UBE2S: variants seen among roughly 807,000 people sequenced by gnomAD.
UBE2S encodes ubiquitin conjugating enzyme E2 S, also known as ubiquitin-conjugating enzyme E2 S.
Under a neutral mutation model 12.3 loss-of-function variants are expected in UBE2S, and 3 were observed. The observed-to-expected ratio is 0.24, with a 90% CI of 0.11 to 0.63. The LOEUF (loss-of-function observed/expected upper bound fraction) is 0.63, where lower values mean the gene tolerates loss of function less well. Ranked by LOEUF, UBE2S falls within the 30% of genes least tolerant of loss-of-function variation. UBE2S has a pLI of 0.85. For synonymous variants in UBE2S, 133 were observed against 142.0 expected (o/e 0.94, Z 0.45); for missense variants, 211 against 313.9 (o/e 0.67, Z 2.48).
intron 3 of UBE2S, chr19:55,402,969 G>C: frequency 6.5e-7 from 1 of 1,534,592 alleles, no homozygotes; most frequent in Non-Finnish European, 8.7e-7. Context: ...GGAGGCAGCA[G>C]GCTGTAAGCA....
In UBE2S at chr19:55,403,061, G is replaced by A. The variant is rs74593881; in HGVS notation, c.342+1227C>T. 6.4e-3 allele frequency: 8,783 copies of A among 1,363,794 alleles called. 476 individuals carry two copies. In the African/African-American group the frequency reaches 0.11, roughly 17 times the overall value. 84.5% of individuals were successfully genotyped at this position (1,363,794 alleles called of 1,614,324 possible). On this transcript the variant is annotated intron_variant, in intron 3 of 3. Coordinates refer to ENST00000264552, the MANE Select transcript of UBE2S (RefSeq NM_014501.3). ...TCATTCTGTGTCATGGAGCCATCTC[G>A]TACGCTGCAGGATTTGGGCAGCACC... is the stretch of plus-strand genomic sequence containing the variant.
chr19:55,406,150 C>T (rs1283187398), intron 2 of UBE2S, among the ~76,000 whole-genome samples: 1 of 152,192 alleles, frequency 6.6e-6, no homozygotes, highest in Non-Finnish European at 1.5e-5. Context: ...CTTTCTGGAG[C>T]CTTCCTATTG....
chr19:55,406,683 C>T, intron 2 of UBE2S, 132 bp downstream of exon 2: 1 of 1,151,230 alleles, frequency 8.7e-7, no homozygotes. Context: ...TGGCGTCCTG[C>T]CCTGTCCACC....
chr19:55,404,363 G>T lies in UBE2S; in HGVS notation c.267C>A (p.Gly89=). ...CGTTGACGCAGATCTCGCCATTGGCGCCCACGTTCGGGTGGAAGATCTTGG... is the reference window on the plus strand; with the variant it reads ...CGTTGACGCAGATCTCGCCATTGGCTCCCACGTTCGGGTGGAAGATCTTGG... ...FLTKIFHPNV[G]ANGEICVNVL... is the part of the protein sequence containing the mutation. Residue 89 remains glycine, a synonymous_variant, in exon 3 of 4, where the codon GGC becomes GGA. Transcript: ENST00000264552. This position sits in a 1 kb window ranked among gnomAD's most constrained non-coding sequence, Gnocchi z 4.4. 6.2e-7 allele frequency: 1 copy of T among 1,613,928 alleles called. No individual in the cohort carries two copies. The highest frequency in any genetic ancestry group is 1.1e-5 in the South Asian group (1 of 91,076).
At position 55,404,230 on chromosome 19, in the gene UBE2S, A is replaced by G; in HGVS notation, c.342+58T>C. 6.2e-7 allele frequency: 1 copy of G among 1,600,618 alleles called. No individual in the cohort carries two copies. Among genetic ancestry groups the G allele is most frequent in the East Asian group, 2.2e-5 (1 of 44,782 alleles). ...AACTAAACAAAGCGCTATGGCTCAG[A>G]CACCAGCAGACCTCCAGAGGCAGGA... On this transcript the variant is annotated intron_variant, in intron 3 of 3. Coordinates refer to ENST00000264552, the MANE Select transcript of UBE2S (RefSeq NM_014501.3). The surrounding 1 kb of genome is among the most constrained non-coding windows in gnomAD (Gnocchi z 4.4).
chr19:55,403,742 ATTTT>A (rs34062896), intron 3 of UBE2S, among the ~76,000 whole-genome samples: 4 of 140,112 alleles, frequency 2.9e-5, no homozygotes, highest in Admixed American at 7.1e-5. Context: ...TTTTTATCTT[ATTTT>A]TTTTTTTTTT....
chr19:55,404,894 T>C lies in UBE2S; in HGVS notation c.152-416A>G, dbSNP rs2090086535. On this transcript the variant is annotated intron_variant, in intron 2 of 3. Coordinates refer to ENST00000264552, the MANE Select transcript of UBE2S (RefSeq NM_014501.3). The surrounding 1 kb of genome is among the most constrained non-coding windows in gnomAD (Gnocchi z 4.4). ...CTGGGATTACAGGCGTGAACCACCA[T>C]GCCCAGTCAGGCTGTAGAATTCTTA... Among the ~76,000 whole-genome samples the C allele has an allele frequency of 6.8e-6, 1 of 147,110 alleles. No homozygotes were observed.
chr19:55,407,180 T>G (rs75479894), intron 1 of UBE2S, among the ~76,000 whole-genome samples: 2,614 of 141,636 alleles, frequency 0.018, 31 homozygotes, highest in South Asian at 0.024. Flanking sequence ...TGCAGATAAC[T>G]CCACCCACCC....
At position 55,401,467 on chromosome 19, in the gene UBE2S, G is replaced by A. The variant is rs376584188; in HGVS notation, c.638C>T (p.Thr213Met). The A allele has an allele frequency of 1.8e-4, 286 of 1,607,086 alleles. No homozygotes were observed. The highest frequency in any genetic ancestry group is 3.5e-4 in the Admixed American group (21 of 59,722). ...RDKKLAAKKK[T>M]DKKRALRRL The stretch of plus-strand genomic sequence containing the variant: ...CCGCCGCAGCGCCCGCTTCTTGTCC[G>A]TCTTTTTCTTGGCCGCCAGCTTCTT... The change falls in exon 4 of 4, where the codon ACG (threonine) becomes ATG (methionine). Residue 213 changes from threonine to methionine, a missense_variant. Transcript: ENST00000264552.
chr19:55,407,471 A>AC, intron 1 of UBE2S, 116 bp downstream of exon 1: 1 of 1,157,192 alleles, frequency 8.6e-7, no homozygotes, highest in Non-Finnish European at 1.2e-6. Flanking sequence ...CGGGTCAGGG[A>AC]CCCCCAGGCT....
At chr19:55,407,523 G>A (rs2123318443) in intron 1 of UBE2S, 64 bp downstream of exon 1, 2 of 1,514,258 alleles carry the variant, frequency 1.3e-6, no homozygotes, top group African/African-American at 1.4e-5. Flanking sequence ...AGGCCCCTGA[G>A]ACTCCACCTC....
In UBE2S at chr19:55,407,775, G is replaced by A. The variant is rs1472989320; in HGVS notation, c.-186C>T. ...AGACCAACCCGCCGCCCCGGTGCCC[G>A]GCAGCACTGAGCCGGCCGCGCGCGC... On this transcript the variant is annotated 5_prime_UTR_variant, in exon 1 of 4. Transcript: ENST00000264552. 7 of 372,882 alleles carry A rather than the reference G, an allele frequency of 1.9e-5. No individual in the cohort carries two copies. The highest frequency in any genetic ancestry group is 4.3e-5 in the African/African-American group (2 of 47,034). 23.1% of individuals were successfully genotyped at this position (372,882 alleles called of 1,614,324 possible).
chr19:55,407,569 C>T lies in UBE2S; in HGVS notation c.3+18G>A, dbSNP rs2123318532. On this transcript the variant is annotated intron_variant, in intron 1 of 3. Transcript: ENST00000264552. Reference sequence around the variant, plus strand: ...GACACCCCCGACCACCTTCATGGGCCTCATCGCCCGTGCTCACCATGGCTG... The same window carrying T: ...GACACCCCCGACCACCTTCATGGGCTTCATCGCCCGTGCTCACCATGGCTG... 2.0e-6 allele frequency: 3 copies of T among 1,506,210 alleles called. No homozygotes were observed. Among genetic ancestry groups the T allele is most frequent in the Non-Finnish European group, 8.8e-7 (1 of 1,133,234 alleles). 93.3% of individuals were successfully genotyped at this position (1,506,210 alleles called of 1,614,324 possible). A position where few individuals can be genotyped will look rare whatever the true frequency, so the allele number is the denominator to read the frequency against.
chr19:55,407,473 C>T (rs913469519), intron 1 of UBE2S, 114 bp downstream of exon 1: 2 of 1,197,930 alleles, frequency 1.7e-6, no homozygotes, highest in Admixed American at 3.2e-5. Context: ...GGTCAGGGAC[C>T]CCCAGGCTGG....
intron 2 of UBE2S, among the ~76,000 whole-genome samples, chr19:55,405,236 G>A (rs1171865278): frequency 7.1e-6 from 1 of 140,438 alleles, no homozygotes; most frequent in South Asian, 2.3e-4. Flanking sequence ...AAAGCCAAGC[G>A]CGGTGCCTCA....
intron 3 of UBE2S, among the ~76,000 whole-genome samples, chr19:55,403,703 C>A (rs1380134042): frequency 6.6e-6 from 1 of 151,298 alleles, no homozygotes; most frequent in African/African-American, 2.4e-5. Flanking sequence ...CCAGCCTGGG[C>A]AACAAATGAG....
intron 2 of UBE2S, among the ~76,000 whole-genome samples, chr19:55,406,559 G>A (rs1006464800): frequency 6.6e-6 from 1 of 152,230 alleles, no homozygotes; most frequent in African/African-American, 2.4e-5. Context: ...CAGGTCCAGG[G>A]AAGCCATGTC....
In UBE2S at chr19:55,399,759, A is replaced by G. The variant is rs989706106; in HGVS notation, c.*1677T>C. 2.0e-5 allele frequency: 3 copies of G among 152,142 alleles called. No homozygotes were observed. The highest frequency in any genetic ancestry group is 7.2e-5 in the African/African-American group (3 of 41,426). 9.4% of individuals were successfully genotyped at this position (152,142 alleles called of 1,614,324 possible). On this transcript the variant is annotated 3_prime_UTR_variant, in exon 4 of 4. Transcript: ENST00000264552. ...TCTGTCAGGGCTAAGGGCAAATATT[A>G]TTTTTATTATGCACTTCGCTAAATT...
Position 55,404,159 on chromosome 19 carries a change from G to A in UBE2S, c.342+129C>T, listed in dbSNP as rs1327954614. On this transcript the variant is annotated intron_variant, in intron 3 of 3. Coordinates refer to ENST00000264552, the MANE Select transcript of UBE2S (RefSeq NM_014501.3). The surrounding 1 kb of genome is among the most constrained non-coding windows in gnomAD (Gnocchi z 4.4). ...TCTTTCCAGGAAAGCTAGCAACATG[G>A]ATTTTTATGTGGAAACCTTCAACCA... is the stretch of plus-strand genomic sequence containing the variant. 5 of 1,238,796 alleles carry A rather than the reference G, an allele frequency of 4.0e-6. No homozygotes were observed. The South Asian group carries it at 5.7e-5, about 14-fold the overall frequency. 76.7% of individuals were successfully genotyped at this position (1,238,796 alleles called of 1,614,324 possible).
Sources: allele counts gnomAD v4.1 joint callset (sites outside exome capture counted in the v4.1 genomes callset), GRCh38; gene constraint gnomAD v4.1.1; non-coding constraint Gnocchi (gnomAD v3.1); transcripts MANE v1.5; gene names NCBI Gene and HGNC (gene_info 2026-07-23, HGNC 2026-07-21).